Variants in TTLL6 observed in about 807,000 individuals in gnomAD.
TTLL6 encodes tubulin tyrosine ligase like 6.
A neutral mutation model predicts 96.4 loss-of-function variants in TTLL6; 75 were observed. The ratio of observed to expected loss-of-function variants is 0.78; its 90% CI spans 0.65 to 0.94. TTLL6 has a LOEUF of 0.94. TTLL6 is among the 40% of genes least tolerant of loss of function. The pLI is 0.00. For synonymous variants in TTLL6, 411 were observed against 419.4 expected, an observed-to-expected ratio of 0.98 and a Z score of 0.24; for missense variants, 1,030 against 1,093.0, an observed-to-expected ratio of 0.94 and a Z score of 0.81.
At chr17:48,794,132 G>A in intron 8 of TTLL6, 2 of 1,603,062 alleles carry the variant, frequency 1.2e-6, no homozygotes, top group Non-Finnish European at 1.7e-6. Flanking sequence ...TGGGGTGAGA[G>A]GGAGATGAAC....
At chr17:48,816,560 G>A (rs1415693025) in intron 1 of TTLL6, among the ~76,000 whole-genome samples, 2 of 152,128 alleles carry the variant, frequency 1.3e-5, no homozygotes, top group African/African-American at 4.8e-5. Context: ...GGACTATGCC[G>A]GCCATGAAAA....
intron 13 of TTLL6, among the ~76,000 whole-genome samples, chr17:48,773,743 T>C (rs1294464201): frequency 1.3e-5 from 2 of 149,506 alleles, no homozygotes; most frequent in African/African-American, 4.9e-5. Context: ...AAATAAATGA[T>C]TATATTAGGA....
At position 48,785,001 on chromosome 17, in the gene TTLL6, C is replaced by A; in HGVS notation, c.1962G>T (p.Lys654Asn). ...DLRNINLSSS[K>N]LEPSKPNFSI... ...TGAAGTTGGGTTTACTGGGCTCCAA[C>A]TTCGAGCTGCTGAGATTGATATTCC... The change falls in exon 13 of 16, where the codon AAG becomes AAT. Residue 654 changes from lysine to asparagine, a missense_variant. Physicochemically the swap from Lys to Asn is moderately conservative, Grantham distance 94 (BLOSUM62 0). Transcript: ENST00000393382. 1 of 1,614,220 alleles carries A rather than the reference C, an allele frequency of 6.2e-7. No individual in the cohort carries two copies. The highest frequency in any genetic ancestry group is 1.1e-5 in the South Asian group (1 of 91,080).
intron 5 of TTLL6, among the ~76,000 whole-genome samples, chr17:48,800,788 TG>T (rs1183471475): frequency 2.0e-5 from 3 of 152,162 alleles, no homozygotes; most frequent in Non-Finnish European, 4.4e-5. Context: ...GAACTGATGT[TG>T]TTTTGAAATG....
intron 13 of TTLL6, among the ~76,000 whole-genome samples, chr17:48,780,071 G>GA (rs1349246857): frequency 6.6e-5 from 10 of 151,280 alleles, no homozygotes; most frequent in Admixed American, 5.3e-4. Context: ...TAATCTTAGG[G>GA]AAAAAATAGG....
In TTLL6 at chr17:48,804,989, C is replaced by G; in HGVS notation, c.106G>C (p.Ala36Pro). 6.4e-7 allele frequency: 1 copy of G among 1,551,156 alleles called. No individual in the cohort carries two copies. Among genetic ancestry groups the G allele is most frequent in the Non-Finnish European group, 8.7e-7 (1 of 1,146,670 alleles). ...GRDGGVGIAG[A>P]WYFPRASSQA... ...GAGGAGGCTCTGGGGAAATACCAGG[C>G]CCCTAGAGAGAGGGCAGAGGGAGCC... is the stretch of plus-strand genomic sequence containing the variant. The change falls in exon 2 of 16, where the codon GCC becomes CCC. Residue 36 changes from alanine (A) to proline (P), a missense_variant and splice_region_variant. By Grantham distance (27) the Ala-to-Pro change is conservative (BLOSUM62 -1). Transcript: ENST00000393382.
intron 10 of TTLL6, among the ~76,000 whole-genome samples, chr17:48,788,369 G>A (rs1597980796): frequency 6.6e-6 from 1 of 152,194 alleles, no homozygotes; most frequent in African/African-American, 2.4e-5. Flanking sequence ...CACTTTTGCC[G>A]AATTTGAGGG....
chr17:48,777,080 A>G (rs1202603864), intron 13 of TTLL6, among the ~76,000 whole-genome samples: 1 of 151,746 alleles, frequency 6.6e-6, no homozygotes, highest in African/African-American at 2.4e-5. Context: ...AGAATAGAGT[A>G]CAAAAATAGA....
intron 13 of TTLL6, among the ~76,000 whole-genome samples, chr17:48,773,050 A>AGG (rs1232258185): frequency 2.6e-5 from 4 of 152,236 alleles, no homozygotes; most frequent in African/African-American, 4.8e-5. Context: ...TAGGGCTTAA[A>AGG]GGTATAATAA....
At chr17:48,813,073 G>A (rs2039617589) in intron 1 of TTLL6, among the ~76,000 whole-genome samples, 1 of 152,152 alleles carries the variant, frequency 6.6e-6, no homozygotes, top group South Asian at 2.1e-4. Flanking sequence ...AGAAGACTGA[G>A]ACAGAGAGAC....
intron 13 of TTLL6, among the ~76,000 whole-genome samples, chr17:48,770,655 C>G (rs1160215917): frequency 2.0e-5 from 3 of 151,690 alleles, no homozygotes; most frequent in African/African-American, 7.3e-5. Flanking sequence ...TAGCTGGGAC[C>G]ACAGGCATGC....
At chr17:48,764,359 A>T (rs1325041453) in intron 15 of TTLL6, among the ~76,000 whole-genome samples, 1 of 152,170 alleles carries the variant, frequency 6.6e-6, no homozygotes, top group African/African-American at 2.4e-5. Flanking sequence ...GATGGTAGAG[A>T]AGGAAACATA....
intron 8 of TTLL6, among the ~76,000 whole-genome samples, chr17:48,793,979 G>A (rs1439024726): frequency 6.6e-6 from 1 of 152,152 alleles, no homozygotes; most frequent in Admixed American, 6.5e-5. Flanking sequence ...CCCATTCTGG[G>A]AAATGCTGAG....
At position 48,808,735 on chromosome 17, in the gene TTLL6, A is replaced by AT. The variant is rs568562853; in HGVS notation, c.104-3745dup. Among the ~76,000 whole-genome samples the AT allele has an allele frequency of 2.2e-4, 34 of 151,992 alleles. No homozygotes were observed. The East Asian group carries it at 5.8e-3, about 26-fold the overall frequency. The stretch of plus-strand genomic sequence containing the variant: ...AGGCACCTGCCACCACGTCAGGCTA[A>AT]TTTTTTTGTATTTTTAGTAGAGACA... On this transcript the variant is annotated intron_variant, in intron 1 of 15. Transcript: ENST00000393382.
chr17:48,795,816 C>T lies in TTLL6; in HGVS notation c.998+245G>A, dbSNP rs541244483. 4.8e-4 allele frequency among the ~76,000 whole-genome samples: 73 copies of T among 152,312 alleles called. 1 individual carries two copies. In the South Asian group the frequency reaches 0.013, roughly 28 times the overall value. On this transcript the variant is annotated intron_variant, in intron 8 of 15. Transcript: ENST00000393382. ...TGTATATATTCTGCTGGGGAAACAG[C>T]TCATGTTTATCTCTCCTCCTCCCAG...
intron 3 of TTLL6, among the ~76,000 whole-genome samples, chr17:48,801,993 C>T (rs913841620): frequency 1.3e-5 from 2 of 149,534 alleles, no homozygotes; most frequent in Admixed American, 1.3e-4. Flanking sequence ...TGCAGTGAGC[C>T]GTGATCATGC....
rs2039130130 is a variant in TTLL6, at chr17:48,787,702, G to A, written c.1589+109C>T. On this transcript the variant is annotated intron_variant, in intron 11 of 15. Transcript: ENST00000393382. The stretch of plus-strand genomic sequence containing the variant: ...TGAGCCACGGCGCCTGGTTGCTCTG[G>A]CAACTTTCATGGCTGGGGACTCTCC... 1.7e-5 allele frequency: 20 copies of A among 1,170,030 alleles called. 1 individual carries two copies. The South Asian group carries it at 2.8e-4, about 16-fold the overall frequency. 72.5% of individuals were successfully genotyped at this position (1,170,030 alleles called of 1,614,324 possible). A position where few individuals can be genotyped will look rare whatever the true frequency, so the allele number is the denominator to read the frequency against.
At chr17:48,770,604 C>A (rs1465577690) in intron 13 of TTLL6, among the ~76,000 whole-genome samples, 1 of 151,850 alleles carries the variant, frequency 6.6e-6, no homozygotes, top group African/African-American at 2.4e-5. Context: ...GTAACCTCCA[C>A]CTCCTGGGCT....
chr17:48,787,656 A>G (rs2039128825), intron 11 of TTLL6, 155 bp downstream of exon 11: 1 of 650,152 alleles, frequency 1.5e-6, no homozygotes, highest in Non-Finnish European at 2.5e-6. Context: ...TTGGCCTCCT[A>G]AAGTGCTAGG....
Sources: gnomAD v4.1 joint callset for allele counts (sites outside exome capture counted in the v4.1 genomes callset) on GRCh38, gnomAD v4.1.1 for gene constraint, MANE v1.5 for transcripts, NCBI Gene and HGNC (gene_info 2026-07-23, HGNC 2026-07-21) for gene names.